USP8: variants seen among roughly 807,000 people sequenced by gnomAD.
The protein encoded by USP8 is ubiquitin specific peptidase 8, also known as ubiquitin carboxyl-terminal hydrolase 8.
A neutral mutation model predicts 130.0 loss-of-function variants in USP8; 27 were observed. That is an observed-to-expected ratio of 0.21 (90% confidence interval 0.15 to 0.29). USP8 has a LOEUF of 0.29. Among genes scored for constraint, USP8 ranks in the 10% least tolerant of loss-of-function variants. The probability of loss-of-function intolerance (pLI) is 1.00; values close to 1 mark genes in which losing one functional copy is unlikely to be tolerated. For synonymous variants in USP8, 392 were observed against 444.1 expected, an observed-to-expected ratio of 0.88 and a Z score of 1.48; for missense variants, 1,029 against 1,312.2, an observed-to-expected ratio of 0.78 and a Z score of 3.33.
intron 11 of USP8, among the ~76,000 whole-genome samples, chr15:50,483,533 G>A (rs2051846954): frequency 6.6e-6 from 1 of 152,188 alleles, no homozygotes; most frequent in Non-Finnish European, 1.5e-5. Flanking sequence ...GTTGGCCCAC[G>A]CCTATAATCC....
At chr15:50,446,512 T>G (rs1329082169) in intron 3 of USP8, among the ~76,000 whole-genome samples, 1 of 152,228 alleles carries the variant, frequency 6.6e-6, no homozygotes, top group African/African-American at 2.4e-5. Context: ...AATGATTACA[T>G]TATGATTTCT....
At chr15:50,488,550 G>GGCTTTT (rs1277539536) in intron 12 of USP8, among the ~76,000 whole-genome samples, 1 of 136,858 alleles carries the variant, frequency 7.3e-6, no homozygotes, top group Non-Finnish European at 1.5e-5. Context: ...CATCAAGGTT[G>GGCTTTT]GCTTTTTTTT....
At chr15:50,449,739 G>T (rs192301810) in intron 4 of USP8, among the ~76,000 whole-genome samples, 1,496 of 148,356 alleles carry the variant, frequency 0.01, 33 homozygotes, top group African/African-American at 0.035. Context: ...CCACCACCAC[G>T]CCCGGCTAAT....
In USP8 at chr15:50,498,592, G is replaced by A; in HGVS notation, c.3039-4G>A. The stretch of plus-strand genomic sequence containing the variant: ...CAGTGTAATTGTAATGTTTTGTTCT[G>A]CAGTTTTTCCTACGATGGCAGGTGG... On this transcript the variant is annotated splice_region_variant and splice_polypyrimidine_tract_variant and intron_variant, in intron 18 of 19. Coordinates refer to ENST00000307179, the MANE Select transcript of USP8 (RefSeq NM_005154.5). 1 of 1,604,790 alleles carries A rather than the reference G, an allele frequency of 6.2e-7. No individual in the cohort carries two copies.
intron 4 of USP8, among the ~76,000 whole-genome samples, chr15:50,451,031 T>G (rs960682030): frequency 1.3e-5 from 2 of 152,002 alleles, no homozygotes; most frequent in African/African-American, 2.4e-5. Flanking sequence ...AGGAGGAAAC[T>G]GAAAGATTTA....
chr15:50,456,368 A>C (rs892859951), intron 4 of USP8, among the ~76,000 whole-genome samples: 1 of 147,824 alleles, frequency 6.8e-6, no homozygotes, highest in Non-Finnish European at 1.5e-5. Context: ...TCAGGAGTTC[A>C]AGACCGGCCT....
chr15:50,496,408 G>A (rs2052407371), intron 17 of USP8, among the ~76,000 whole-genome samples: 1 of 151,308 alleles, frequency 6.6e-6, no homozygotes, highest in Non-Finnish European at 1.5e-5. Context: ...GTGAACCCTG[G>A]AGGCGGAGTT....
At chr15:50,466,712 G>C (rs1280865642) in intron 7 of USP8, 3 of 205,542 alleles carry the variant, frequency 1.5e-5, no homozygotes, top group African/African-American at 7.0e-5. Context: ...CAGAGGAACC[G>C]GTCGGTCAGG....
chr15:50,495,759 C>G (rs2052373477), intron 16 of USP8, 89 bp from the exon 17 acceptor site: 9 of 1,049,020 alleles, frequency 8.6e-6, no homozygotes, highest in Non-Finnish European at 1.2e-5. Context: ...GTTTCTAAAT[C>G]TGGCAAGTGT....
At chr15:50,495,493 G>GT (rs1255429550) in intron 16 of USP8, among the ~76,000 whole-genome samples, 26 of 131,016 alleles carry the variant, frequency 2.0e-4, no homozygotes, top group African/African-American at 8.0e-4. Context: ...TGGAGGGGGG[G>GT]GTCTCACTAT....
chr15:50,474,659 A>G (rs2051500297), intron 8 of USP8, among the ~76,000 whole-genome samples: 1 of 152,234 alleles, frequency 6.6e-6, no homozygotes, highest in African/African-American at 2.4e-5. Context: ...CAGTAAATAA[A>G]AGAGAATGGA....
chr15:50,455,011 TCTTTA>T (rs968551175), intron 4 of USP8, among the ~76,000 whole-genome samples: 1 of 151,712 alleles, frequency 6.6e-6, no homozygotes, highest in Admixed American at 6.6e-5. Context: ...AAATACTGAC[TCTTTA>T]CTTTGTCATC....
intron 12 of USP8, among the ~76,000 whole-genome samples, chr15:50,486,481 C>G (rs143523514): frequency 6.6e-6 from 1 of 151,856 alleles, no homozygotes; most frequent in African/African-American, 2.4e-5. Flanking sequence ...AGGGTGAGAC[C>G]CTGTCTCAAA....
chr15:50,449,361 G>A (rs750298071), intron 3 of USP8, 39 bp from the exon 4 acceptor site: 94 of 1,380,114 alleles, frequency 6.8e-5, no homozygotes, highest in Non-Finnish European at 8.7e-5. Context: ...ATGCAATGCC[G>A]AGAACTAACA....
intron 1 of USP8, among the ~76,000 whole-genome samples, chr15:50,428,033 T>C (rs1179158113): frequency 6.6e-6 from 1 of 151,980 alleles, no homozygotes; most frequent in African/African-American, 2.4e-5. Flanking sequence ...AATACCATAC[T>C]AATTCAAGTA....
chr15:50,496,696 C>T (rs2052426504), intron 17 of USP8, among the ~76,000 whole-genome samples: 1 of 152,116 alleles, frequency 6.6e-6, no homozygotes, highest in Non-Finnish European at 1.5e-5. Flanking sequence ...GCCTACTTTT[C>T]ATAAGCATTT....
At chr15:50,456,776 C>G (rs1300906591) in intron 4 of USP8, among the ~76,000 whole-genome samples, 1 of 152,068 alleles carries the variant, frequency 6.6e-6, no homozygotes, top group African/African-American at 2.4e-5. Flanking sequence ...ATCCCAGCTA[C>G]TCGGGAGGCT....
At chr15:50,434,847 C>T (rs1265228862) in intron 1 of USP8, among the ~76,000 whole-genome samples, 2 of 152,096 alleles carry the variant, frequency 1.3e-5, no homozygotes, top group Non-Finnish European at 2.9e-5. Context: ...CTCAAACTCC[C>T]AACCTCAAGG....
In USP8 at chr15:50,503,095, C is replaced by G. The variant is rs2052613848; in HGVS notation, c.*4007C>G. On this transcript the variant is annotated 3_prime_UTR_variant, in exon 20 of 20. Coordinates refer to ENST00000307179, the MANE Select transcript of USP8 (RefSeq NM_005154.5). ...AGGCCTGGTGGCTCACGCCTGTAAT[C>G]CCAGCACTTTGGGAGGCTGAGGCAG... is the stretch of plus-strand genomic sequence containing the variant. 1 of 152,284 alleles carries G rather than the reference C, an allele frequency of 6.6e-6. No homozygotes were observed. Among genetic ancestry groups the G allele is most frequent in the African/African-American group, 2.4e-5 (1 of 41,462 alleles). The allele number at this position is 152,284 out of a possible 1,614,324, so 9.4% of individuals were successfully genotyped here. A position where few individuals can be genotyped will look rare whatever the true frequency, so the allele number is the denominator to read the frequency against.
Sources: allele counts gnomAD v4.1 joint callset (sites outside exome capture counted in the v4.1 genomes callset), GRCh38; gene constraint gnomAD v4.1.1; transcripts MANE v1.5; gene names NCBI Gene and HGNC (gene_info 2026-07-23, HGNC 2026-07-21).